Variants in SYT2 observed in about 807,000 individuals in gnomAD.
The protein encoded by SYT2 is synaptotagmin 2, also known as synaptotagmin-2.
In SYT2, 15 loss-of-function variants were observed where a neutral mutation model predicts 39.9. The ratio of observed to expected loss-of-function variants is 0.38; its 90% CI spans 0.25 to 0.58. The LOEUF (loss-of-function observed/expected upper bound fraction) is 0.58, where lower values mean the gene tolerates loss of function less well. SYT2 is among the 20% of genes least tolerant of loss of function. The pLI, the probability that SYT2 is intolerant of heterozygous loss-of-function variation, is 0.70. For missense variants in SYT2, 389 were observed against 530.3 expected (o/e 0.73, Z 2.62); for synonymous variants, 181 against 204.5 (o/e 0.89, Z 0.98).
intron 1 of SYT2, chr1:202,627,623 C>T (rs1043269047): frequency 3.2e-4 from 311 of 985,202 alleles, no homozygotes; most frequent in Non-Finnish European, 3.7e-4. Context: ...GAGTAATGCG[C>T]AAAGGAAGGG....
At chr1:202,678,505 C>CA (rs2149111821) in intron 1 of SYT2, among the ~76,000 whole-genome samples, 1 of 152,154 alleles carries the variant, frequency 6.6e-6, no homozygotes, top group South Asian at 2.1e-4. Flanking sequence ...AAGGCTCACC[C>CA]AGTGCCCCTC....
intron 8 of SYT2, among the ~76,000 whole-genome samples, chr1:202,598,029 CT>C (rs1690363181): frequency 6.6e-6 from 1 of 152,210 alleles, no homozygotes; most frequent in Non-Finnish European, 1.5e-5. Context: ...TCTCACTGTG[CT>C]TTACTAGACT....
intron 3 of SYT2, 153 bp downstream of exon 3, chr1:202,604,302 G>C: frequency 1.4e-6 from 1 of 714,826 alleles, no homozygotes; most frequent in South Asian, 1.9e-5. Flanking sequence ...CCAGGTAGAC[G>C]GTGTTATACT....
In SYT2 at chr1:202,595,739, G is replaced by GGAAAGGGA. The variant is rs1690261796; in HGVS notation, c.*1010_*1017dup. On this transcript the variant is annotated 3_prime_UTR_variant, in exon 9 of 9. Coordinates refer to ENST00000367268, the MANE Select transcript of SYT2 (RefSeq NM_177402.5). ...AAATGAACTTGGCTGCTTATATTCT[G>GGAAAGGGA]GAAAGGGAGAAAGCATCTGTGTTTC... 6.6e-6 allele frequency: 1 copy of GGAAAGGGA among 152,358 alleles called. No homozygotes were observed. The highest frequency in any genetic ancestry group is 1.5e-5 in the Non-Finnish European group (1 of 68,036). The allele number at this position is 152,358 out of a possible 1,614,324, so 9.4% of individuals were successfully genotyped here. A position where few individuals can be genotyped will look rare whatever the true frequency, so the allele number is the denominator to read the frequency against.
At chr1:202,671,395 G>A (rs1403150387) in intron 1 of SYT2, among the ~76,000 whole-genome samples, 2 of 152,204 alleles carry the variant, frequency 1.3e-5, no homozygotes, top group African/African-American at 4.8e-5. Context: ...CATTTTTAGC[G>A]AGGGAATTTA....
chr1:202,604,522 T>G lies in SYT2; in HGVS notation c.278A>C (p.Lys93Thr). The change falls in exon 3 of 9, where the codon AAG becomes ACG. Residue 93 changes from lysine (K) to threonine (T), a missense_variant. Transcript: ENST00000367268. ...ICKKCCCKKK[K>T]NKKEKGKGMK... ...GCCTTTGCCCTTCTCCTTCTTGTTC[T>G]TCTTCTTCTTGCAGCAGCATTTCTT... 2 of 1,614,106 alleles carry G rather than the reference T, an allele frequency of 1.2e-6. No homozygotes were observed. Among genetic ancestry groups the G allele is most frequent in the Non-Finnish European group, 1.7e-6 (2 of 1,180,034 alleles).
intron 1 of SYT2, among the ~76,000 whole-genome samples, chr1:202,646,701 A>G (rs1224633796): frequency 6.6e-6 from 1 of 152,234 alleles, no homozygotes; most frequent in East Asian, 1.9e-4. Flanking sequence ...TAGAGAGACT[A>G]GCGCAGTGCC....
intron 1 of SYT2, among the ~76,000 whole-genome samples, chr1:202,607,255 G>A (rs922996473): frequency 1.2e-4 from 19 of 152,160 alleles, no homozygotes; most frequent in Non-Finnish European, 1.5e-4. Flanking sequence ...CGGGCACTCT[G>A]GGTATTTGTT....
In SYT2 at chr1:202,669,931, T is replaced by G. The variant is rs577048180; in HGVS notation, c.-18+40327A>C. On this transcript the variant is annotated intron_variant, in intron 1 of 8. Transcript: ENST00000367268. The stretch of plus-strand genomic sequence containing the variant: ...TCATCTGCCTGGTGACAGCTTATCC[T>G]CATTGGTGTAAAAGCAGAGGGCGTG... Among the ~76,000 whole-genome samples, 4 of 152,180 alleles carry G rather than the reference T, an allele frequency of 2.6e-5. No individual in the cohort carries two copies. In the East Asian group the frequency reaches 7.7e-4, roughly 29 times the overall value.
chr1:202,682,713 T>C lies in SYT2; in HGVS notation c.-18+27545A>G, dbSNP rs571127111. On this transcript the variant is annotated intron_variant, in intron 1 of 8. Transcript: ENST00000367268. ...CAACCGAGAGTCAAGGCCACGGAGC[T>C]AGCGTGGAGCTGATCATGGACTAGC... 2.1e-4 allele frequency among the ~76,000 whole-genome samples: 32 copies of C among 152,050 alleles called. No individual in the cohort carries two copies. In the South Asian group the frequency reaches 6.7e-3, roughly 32 times the overall value.
At chr1:202,636,442 T>G in intron 1 of SYT2, 1 of 968,380 alleles carries the variant, frequency 1.0e-6, no homozygotes, top group African/African-American at 1.8e-5. Flanking sequence ...CAAATCATCG[T>G]CTGCCTCATT....
At chr1:202,613,102 A>C (rs1392040682) in intron 1 of SYT2, among the ~76,000 whole-genome samples, 2 of 124,094 alleles carry the variant, frequency 1.6e-5, no homozygotes, top group Non-Finnish European at 1.6e-5. Flanking sequence ...TTTTTTCCAG[A>C]CAGAGTCTCG....
chr1:202,630,692 G>C (rs1241510425), intron 1 of SYT2, among the ~76,000 whole-genome samples: 3 of 152,134 alleles, frequency 2.0e-5, no homozygotes, highest in African/African-American at 7.2e-5. Flanking sequence ...CATCATCTGG[G>C]ACCCTCTCCT....
At chr1:202,697,674 C>T (rs1654008429) in intron 1 of SYT2, among the ~76,000 whole-genome samples, 1 of 152,216 alleles carries the variant, frequency 6.6e-6, no homozygotes, top group Non-Finnish European at 1.5e-5. Flanking sequence ...TAGGTGTCCT[C>T]ACCACTGACA....
chr1:202,602,094 G>C (rs986135843), intron 5 of SYT2, 37 bp from the exon 6 acceptor site: 1 of 1,609,994 alleles, frequency 6.2e-7, no homozygotes, highest in Non-Finnish European at 8.5e-7. Flanking sequence ...GGGCCAGAGC[G>C]ACTCACGCAC....
At chr1:202,703,336 C>A (rs894581049) in intron 1 of SYT2, among the ~76,000 whole-genome samples, 2 of 150,978 alleles carry the variant, frequency 1.3e-5, no homozygotes, top group Non-Finnish European at 3.0e-5. Context: ...ACCACAAATG[C>A]CTCATTTGAC....
chr1:202,624,798 G>A (rs922695503), intron 1 of SYT2, among the ~76,000 whole-genome samples: 13 of 113,802 alleles, frequency 1.1e-4, no homozygotes, highest in African/African-American at 4.2e-4. Context: ...TGTATGGCAT[G>A]TAGCATGGTG....
At position 202,596,657 on chromosome 1, in the gene SYT2, G is replaced by C. The variant is rs1690307604; in HGVS notation, c.*100C>G. The C allele has an allele frequency of 2.7e-5, 32 of 1,187,860 alleles. No homozygotes were observed. The highest frequency in any genetic ancestry group is 3.4e-5 in the Non-Finnish European group (29 of 853,290). The allele number at this position is 1,187,860 out of a possible 1,614,324, so 73.6% of individuals were successfully genotyped here. The stretch of plus-strand genomic sequence containing the variant: ...ACAAGGACACAACCACCCAACAAAT[G>C]AAAGAAAAAAGAAAACCTCTAAGGT... On this transcript the variant is annotated 3_prime_UTR_variant, in exon 9 of 9. Transcript: ENST00000367268.
chr1:202,632,662 C>G (rs1691626954), intron 1 of SYT2: 6 of 890,956 alleles, frequency 6.7e-6, no homozygotes, highest in Non-Finnish European at 8.1e-6. Flanking sequence ...AGACACAGAC[C>G]TGCCCCGGAG....
Sources: gnomAD v4.1 joint callset for allele counts (sites outside exome capture counted in the v4.1 genomes callset) on GRCh38, gnomAD v4.1.1 for gene constraint, MANE v1.5 for transcripts, NCBI Gene and HGNC (gene_info 2026-07-23, HGNC 2026-07-21) for gene names.